The following FBH1 variants were observed in gnomAD, a reference collection of about 807,000 sequenced individuals.
The protein encoded by FBH1 is F-box DNA helicase 1.
Under a neutral mutation model 115.5 loss-of-function variants are expected in FBH1, and 43 were observed. That is an observed-to-expected ratio of 0.37 (90% CI 0.29 to 0.48). The LOEUF is 0.48. Ranked by LOEUF, FBH1 falls within the 20% of genes least tolerant of loss-of-function variation. The pLI is 0.99. For missense variants in FBH1, 1,001 were observed against 1,337.3 expected (o/e 0.75, Z 3.92); for synonymous variants, 524 against 507.8 (o/e 1.03, Z -0.43).
In FBH1 at chr10:5,910,854, G is replaced by A. The variant is rs771840951; in HGVS notation, c.1021-84G>A. 3.0e-5 allele frequency: 38 copies of A among 1,254,778 alleles called. No individual in the cohort carries two copies. The East Asian group carries it at 4.2e-4, about 14-fold the overall frequency. 77.7% of individuals were successfully genotyped at this position (1,254,778 alleles called of 1,614,324 possible). A position where few individuals can be genotyped will look rare whatever the true frequency, so the allele number is the denominator to read the frequency against. ...TAGCCAGCAGCTGGACCCGTGGCTCGGCTTTCCTGACTCCTTCCTGCTGTG... is the reference window on the plus strand; with the variant it reads ...TAGCCAGCAGCTGGACCCGTGGCTCAGCTTTCCTGACTCCTTCCTGCTGTG... On this transcript the variant is annotated intron_variant, in intron 5 of 20. Transcript: ENST00000362091. This position sits in a 1 kb window ranked among gnomAD's most constrained non-coding sequence, Gnocchi z 4.8.
intron 3 of FBH1, among the ~76,000 whole-genome samples, chr10:5,907,527 G>A (rs1305415773): frequency 7.0e-6 from 1 of 142,224 alleles, no homozygotes; most frequent in Admixed American, 7.2e-5. Context: ...AGGCTGGAGT[G>A]CAGTGGCTCG....
Position 5,911,821 on chromosome 10 carries a change from G to C in FBH1, c.1211+693G>C, listed in dbSNP as rs1029874644. On this transcript the variant is annotated intron_variant, in intron 6 of 20. Coordinates refer to ENST00000362091, the MANE Select transcript of FBH1 (RefSeq NM_178150.3). This position sits in a 1 kb window ranked among gnomAD's most constrained non-coding sequence, Gnocchi z 5.4. ...GCTGTGGGGTGAATGCTGCTTTAGA[G>C]GGGTGGAAAAAGCTTCTCTGAGCAG... Among the ~76,000 whole-genome samples the C allele has an allele frequency of 5.9e-5, 9 of 152,188 alleles. No individual in the cohort carries two copies. The highest frequency in any genetic ancestry group is 2.2e-4 in the African/African-American group (9 of 41,438).
At chr10:5,894,594 T>C in intron 1 of FBH1, 2 of 771,394 alleles carry the variant, frequency 2.6e-6, no homozygotes, top group South Asian at 2.8e-5. Context: ...AGGAAAGAAC[T>C]GCAAAAGCTG....
chr10:5,894,354 AAT>A, intron 1 of FBH1: 1 of 1,568,952 alleles, frequency 6.4e-7, no homozygotes, highest in South Asian at 1.2e-5. Context: ...AAAAAAATGT[AAT>A]ATGGAAATTA....
chr10:5,907,611 T>C (rs926011607), intron 3 of FBH1, among the ~76,000 whole-genome samples: 1 of 151,080 alleles, frequency 6.6e-6, no homozygotes, highest in African/African-American at 2.4e-5. Context: ...GTAGCTGGGA[T>C]TACAGACATG....
In FBH1 at chr10:5,925,425, T is replaced by G. The variant is rs1259210904; in HGVS notation, c.2655T>G (p.Val885=). ...GCCTGGAGTTTGACACTGTGCATGT[T>G]TTGGATGATTTTGTGAAAGTGCCTT... ...AKGLEFDTVH[V]LDDFVKVPCA... is the part of the protein sequence containing the mutation. The change falls in exon 18 of 21, where the codon GTT becomes GTG. Residue 885 remains valine (V), a synonymous_variant. Transcript: ENST00000362091. The surrounding 1 kb of genome is among the most constrained non-coding windows in gnomAD (Gnocchi z 4.6). 1 of 1,614,054 alleles carries G rather than the reference T, an allele frequency of 6.2e-7. No homozygotes were observed. The highest frequency in any genetic ancestry group is 8.5e-7 in the Non-Finnish European group (1 of 1,180,036).
intron 2 of FBH1, 129 bp from the exon 3 acceptor site, chr10:5,905,908 A>G: frequency 3.1e-6 from 2 of 646,010 alleles, no homozygotes; most frequent in Non-Finnish European, 2.7e-6. Context: ...CAGTTGGCCC[A>G]TAAATGTGTT....
At chr10:5,907,740 C>T (rs1843800483) in intron 3 of FBH1, among the ~76,000 whole-genome samples, 1 of 152,172 alleles carries the variant, frequency 6.6e-6, no homozygotes, top group South Asian at 2.1e-4. Context: ...GCCCAAAGTG[C>T]AGGGATTACA....
chr10:5,920,273 A>C (rs994697401), intron 13 of FBH1, among the ~76,000 whole-genome samples: 3 of 152,212 alleles, frequency 2.0e-5, no homozygotes, highest in African/African-American at 7.2e-5. Context: ...GTGAAGCGCC[A>C]TTTTCATCAC....
chr10:5,936,973 A>C lies in FBH1; in HGVS notation c.2962-137A>C. On this transcript the variant is annotated intron_variant, in intron 20 of 20. Transcript: ENST00000362091. The surrounding 1 kb of genome is among the most constrained non-coding windows in gnomAD (Gnocchi z 5.6). Reference sequence around the variant, plus strand: ...TGCTGTGGGAGGTGTTACTCTGAGGATGTGCACCCCTCTGAAAACATCAGA... The same window carrying C: ...TGCTGTGGGAGGTGTTACTCTGAGGCTGTGCACCCCTCTGAAAACATCAGA... 1.0e-6 allele frequency: 1 copy of C among 960,120 alleles called. No homozygotes were observed. Among genetic ancestry groups the C allele is most frequent in the Non-Finnish European group, 1.5e-6 (1 of 658,426 alleles). 59.5% of individuals were successfully genotyped at this position (960,120 alleles called of 1,614,324 possible). A position where few individuals can be genotyped will look rare whatever the true frequency, so the allele number is the denominator to read the frequency against.
chr10:5,892,360 C>A (rs1842783226), intron 1 of FBH1, among the ~76,000 whole-genome samples: 1 of 152,176 alleles, frequency 6.6e-6, no homozygotes, highest in Admixed American at 6.5e-5. Context: ...TGTGTGTAGA[C>A]ACCACTATTG....
rs1157201766 is a variant in FBH1 at position 5,910,417 on chromosome 10, A to G, written c.1021-521A>G. Reference sequence around the variant, plus strand: ...CCATAATTTCATATTTATTTAACTTACAATGAACAGTTATTACTAATAATA... The same window carrying G: ...CCATAATTTCATATTTATTTAACTTGCAATGAACAGTTATTACTAATAATA... On this transcript the variant is annotated intron_variant, in intron 5 of 20. Transcript: ENST00000362091. This position sits in a 1 kb window ranked among gnomAD's most constrained non-coding sequence, Gnocchi z 4.8. Among the ~76,000 whole-genome samples, 1 of 152,268 alleles carries G rather than the reference A, an allele frequency of 6.6e-6. No individual in the cohort carries two copies. Among genetic ancestry groups the G allele is most frequent in the Non-Finnish European group, 1.5e-5 (1 of 68,046 alleles).
chr10:5,905,960 TG>T (rs1286373419), intron 2 of FBH1, 76 bp from the exon 3 acceptor site: 1 of 984,522 alleles, frequency 1.0e-6, no homozygotes, highest in Admixed American at 2.3e-5. Flanking sequence ...TGAAAATTAG[TG>T]TGTCTTATAT....
In FBH1 at chr10:5,936,639, TG is replaced by T. The variant is rs766275484; in HGVS notation, c.2961+53del. The T allele has an allele frequency of 6.2e-7, 1 of 1,604,532 alleles. No individual in the cohort carries two copies. The highest frequency in any genetic ancestry group is 8.5e-7 in the Non-Finnish European group (1 of 1,173,080). ...TTCAGCCATTTGCATTTTTTGCTTG[TG>T]AGCTCTGTGCTTATCTGGGTTGTAG... On this transcript the variant is annotated intron_variant, in intron 20 of 20. Transcript: ENST00000362091. This position sits in a 1 kb window ranked among gnomAD's most constrained non-coding sequence, Gnocchi z 5.6.
intron 1 of FBH1, among the ~76,000 whole-genome samples, chr10:5,890,559 G>T (rs1436742834): frequency 4.0e-5 from 6 of 150,612 alleles, no homozygotes; most frequent in Non-Finnish European, 8.9e-5. Context: ...CGCGGGGGAG[G>T]CCAGGGCGCT....
chr10:5,937,260 C>G lies in FBH1; in HGVS notation c.3112C>G (p.Leu1038Val), dbSNP rs1219217428. 1.9e-6 allele frequency: 3 copies of G among 1,603,892 alleles called. No individual in the cohort carries two copies. Among genetic ancestry groups the G allele is most frequent in the Non-Finnish European group, 1.7e-6 (2 of 1,174,266 alleles). ...ENIVLPRHEALLFLVF is the reference protein window; with the variant it reads ...ENIVLPRHEAVLFLVF ...CATCGTACTGCCCCGGCATGAGGCCCTGCTCTTCCTCGTCTTCTGAGGACA... is the reference window on the plus strand; with the variant it reads ...CATCGTACTGCCCCGGCATGAGGCCGTGCTCTTCCTCGTCTTCTGAGGACA... Residue 1038 changes from leucine (L) to valine (V), a missense_variant, in exon 21 of 21, where the codon CTG becomes GTG. Transcript: ENST00000362091.
At chr10:5,898,503 C>T (rs527717282) in intron 1 of FBH1, among the ~76,000 whole-genome samples, 7 of 152,246 alleles carry the variant, frequency 4.6e-5, no homozygotes, top group South Asian at 2.1e-4. Flanking sequence ...CTCCACCTCC[C>T]GGGTTCAAGT....
chr10:5,890,570 C>T (rs993007164), intron 1 of FBH1, among the ~76,000 whole-genome samples: 1 of 150,862 alleles, frequency 6.6e-6, no homozygotes, highest in African/African-American at 2.4e-5. Flanking sequence ...CCAGGGCGCT[C>T]ACTGAACTCG....
At chr10:5,922,398 C>A (rs1014083091) in intron 15 of FBH1, among the ~76,000 whole-genome samples, 9 of 152,160 alleles carry the variant, frequency 5.9e-5, no homozygotes, top group African/African-American at 2.2e-4. Flanking sequence ...GTTTTTCACT[C>A]AACACATAGG....
Sources: allele counts gnomAD v4.1 joint callset (sites outside exome capture counted in the v4.1 genomes callset), GRCh38; gene constraint gnomAD v4.1.1; non-coding constraint Gnocchi (gnomAD v3.1); transcripts MANE v1.5; gene names NCBI Gene and HGNC (gene_info 2026-07-23, HGNC 2026-07-21).